Variants in SLC41A3 observed in about 807,000 individuals in gnomAD.
SLC41A3 encodes the protein solute carrier family 41 member 3, also known as SLC41A1-like 2.
A neutral mutation model predicts 45.4 loss-of-function variants in SLC41A3; 44 were observed. That is an observed-to-expected ratio of 0.97 (90% CI 0.76 to 1.25). SLC41A3 has a LOEUF of 1.25. SLC41A3 is among the 50% of genes most tolerant of loss of function. SLC41A3 has a pLI of 0.00. For missense variants in SLC41A3, 550 were observed against 600.6 expected, an observed-to-expected ratio of 0.92 and a Z score of 0.88; for synonymous variants, 256 against 252.4, an observed-to-expected ratio of 1.01 and a Z score of -0.13.
rs776190910 is a variant in SLC41A3, at chr3:126,022,841, G to C, written c.690C>G (p.Asp230Glu). 1.1e-5 allele frequency: 17 copies of C among 1,614,188 alleles called. No individual in the cohort carries two copies. The highest frequency in any genetic ancestry group is 1.3e-5 in the Non-Finnish European group (15 of 1,180,040). Residue 230 changes from aspartate (D) to glutamate (E), a missense_variant, in exon 6 of 11, where the codon GAC becomes GAG. Coordinates refer to ENST00000360370, the MANE Select transcript of SLC41A3 (RefSeq NM_017836.4). ...IATPIAASLG[D>E]LITLSILALV... is the part of the protein sequence containing the mutation. ...AAGCCAGAATGGACAGTGTGATGAG[G>C]TCTCCCAGGCTGGCTGCAATGGGCG... is the stretch of plus-strand genomic sequence containing the variant.
Position 126,076,911 on chromosome 3 carries a change from A to G in SLC41A3, c.-28+7182T>C, listed in dbSNP as rs571948866. On this transcript the variant is annotated intron_variant, in intron 1 of 10. Coordinates refer to ENST00000360370, the MANE Select transcript of SLC41A3 (RefSeq NM_017836.4). ...GAGATTCAGCCATGCTGCCGAATCT[A>G]TTTTATTGCTGTAGAAAACTGAACT... Among the ~76,000 whole-genome samples, 9 of 152,318 alleles carry G rather than the reference A, an allele frequency of 5.9e-5. No individual in the cohort carries two copies. The East Asian group carries it at 1.5e-3, about 26-fold the overall frequency.
rs561225919 is a variant in SLC41A3, at chr3:126,026,663, A to T, written c.454-184T>A. Among the ~76,000 whole-genome samples the T allele has an allele frequency of 1.6e-4, 25 of 152,178 alleles. 1 individual carries two copies. The highest frequency in any genetic ancestry group is 1.4e-3 in the Admixed American group (22 of 15,300). On this transcript the variant is annotated intron_variant, in intron 4 of 10. Coordinates refer to ENST00000360370, the MANE Select transcript of SLC41A3 (RefSeq NM_017836.4). The surrounding 1 kb of genome is among the most constrained non-coding windows in gnomAD (Gnocchi z 4.2). Reference sequence around the variant, plus strand: ...AATACCACACCCCACACCTGCCTTGAACTCAACTCCTCCGAAACCACGCTG... The same window carrying T: ...AATACCACACCCCACACCTGCCTTGTACTCAACTCCTCCGAAACCACGCTG...
intron 3 of SLC41A3, among the ~76,000 whole-genome samples, chr3:126,046,365 AC>A: frequency 6.6e-6 from 1 of 151,990 alleles, no homozygotes; most frequent in Non-Finnish European, 1.5e-5. Context: ...TTACACACAC[AC>A]ACACACACAC....
At chr3:126,037,073 T>C (rs1232092179) in intron 3 of SLC41A3, among the ~76,000 whole-genome samples, 1 of 152,204 alleles carries the variant, frequency 6.6e-6, no homozygotes, top group Admixed American at 6.5e-5. Flanking sequence ...GGAAGGTGTC[T>C]GGGTCATGGG....
chr3:126,088,151 GA>G (rs1945429735), upstream of SLC41A3, among the ~76,000 whole-genome samples: 1 of 151,282 alleles, frequency 6.6e-6, no homozygotes, highest in South Asian at 2.1e-4. Flanking sequence ...ATTTTTTTTT[GA>G]AAACAGGCCA....
intron 9 of SLC41A3, among the ~76,000 whole-genome samples, chr3:126,010,828 T>A (rs1939633582): frequency 6.6e-6 from 1 of 152,166 alleles, no homozygotes; most frequent in Non-Finnish European, 1.5e-5. Flanking sequence ...TGCCCAGCAA[T>A]AACAAGGTGC....
intron 1 of SLC41A3, among the ~76,000 whole-genome samples, chr3:126,098,305 C>T (rs1308389536): frequency 6.6e-6 from 1 of 152,140 alleles, no homozygotes; most frequent in Non-Finnish European, 1.5e-5. Context: ...CCTCCCTCTG[C>T]ACAAGTACAC....
At position 126,007,189 on chromosome 3, in the gene SLC41A3, G is replaced by A. The variant is rs765673106; in HGVS notation, c.1291C>T (p.Arg431Trp). The A allele has an allele frequency of 3.9e-5, 63 of 1,613,864 alleles. No homozygotes were observed. In the Middle Eastern group the frequency reaches 4.9e-4, roughly 13 times the overall value. The part of the protein sequence containing the change: ...ILLYLAEVMV[R>W]LTWHQALDPD... ...TCCAGGGCCTGGTGCCAAGTCAGCC[G>A]AACCATCACTTCTGCGAGGTACAGC... The change falls in exon 11 of 11, where the codon CGG (arginine) becomes TGG (tryptophan). Residue 431 changes from arginine (R) to tryptophan (W), a missense_variant. Transcript: ENST00000360370.
Position 126,007,051 on chromosome 3 carries a change from C to G in SLC41A3, c.1429G>C (p.Gly477Arg). The change falls in exon 11 of 11, where the codon GGT (glycine) becomes CGT (arginine). Residue 477 changes from glycine to arginine, a missense_variant. Coordinates refer to ENST00000360370, the MANE Select transcript of SLC41A3 (RefSeq NM_017836.4). ...CCAGATGCCAGTTCTGAGATGCCACCCAGCTCTGCCTTGCTCTTCAGTAGC... is the reference window on the plus strand; with the variant it reads ...CCAGATGCCAGTTCTGAGATGCCACGCAGCTCTGCCTTGCTCTTCAGTAGC... ...DWLLKSKAELGGISELASGPP is the reference protein window; with the variant it reads ...DWLLKSKAELRGISELASGPP 6.2e-7 allele frequency: 1 copy of G among 1,614,170 alleles called. No individual in the cohort carries two copies. Among genetic ancestry groups the G allele is most frequent in the Non-Finnish European group, 8.5e-7 (1 of 1,180,020 alleles).
chr3:126,048,118 A>G (rs896280106), intron 3 of SLC41A3, among the ~76,000 whole-genome samples: 2 of 152,244 alleles, frequency 1.3e-5, no homozygotes, highest in Non-Finnish European at 2.9e-5. Flanking sequence ...CAATAAGCAC[A>G]TGAAAAGATG....
chr3:126,057,503 G>A (rs62263465), intron 2 of SLC41A3, among the ~76,000 whole-genome samples: 21,025 of 152,186 alleles, frequency 0.14, 1,635 homozygotes, highest in African/African-American at 0.18. Flanking sequence ...CCCGAAGCTG[G>A]GGGTCAGACT....
At chr3:126,061,873 C>T (rs1419573465) in intron 2 of SLC41A3, among the ~76,000 whole-genome samples, 1 of 152,170 alleles carries the variant, frequency 6.6e-6, no homozygotes, top group East Asian at 1.9e-4. Context: ...TCATCTCCTC[C>T]CACCCTAAAG....
chr3:126,081,064 T>C (rs1286476958), intron 1 of SLC41A3, among the ~76,000 whole-genome samples: 2 of 152,174 alleles, frequency 1.3e-5, no homozygotes, highest in Non-Finnish European at 2.9e-5. Flanking sequence ...CTGTACCCCA[T>C]GTTTCTTGCA....
chr3:126,046,089 A>G (rs969215988), intron 3 of SLC41A3, among the ~76,000 whole-genome samples: 1 of 152,040 alleles, frequency 6.6e-6, no homozygotes, highest in Non-Finnish European at 1.5e-5. Context: ...AATAAAAGGA[A>G]ACTACCTCAA....
chr3:126,060,058 T>C (rs1411394215), intron 2 of SLC41A3, among the ~76,000 whole-genome samples: 2 of 152,184 alleles, frequency 1.3e-5, no homozygotes, highest in African/African-American at 2.4e-5. Flanking sequence ...CAGACTCTCA[T>C]ATAGAAAGAG....
At chr3:126,045,179 AAAG>A (rs1381083965) in intron 3 of SLC41A3, among the ~76,000 whole-genome samples, 1 of 152,000 alleles carries the variant, frequency 6.6e-6, no homozygotes, top group Non-Finnish European at 1.5e-5. Context: ...TCCATTAAAA[AAAG>A]AAGACCTCAA....
In SLC41A3 at chr3:126,016,888, C is replaced by T. The variant is rs752665168; in HGVS notation, c.746-13G>A. 7 of 1,609,218 alleles carry T rather than the reference C, an allele frequency of 4.3e-6. No homozygotes were observed. Among genetic ancestry groups the T allele is most frequent in the Non-Finnish European group, 5.9e-6 (7 of 1,179,482 alleles). On this transcript the variant is annotated splice_polypyrimidine_tract_variant and intron_variant, in intron 6 of 10. Transcript: ENST00000360370. The stretch of plus-strand genomic sequence containing the variant: ...AGATACCGACTATCTGAAAGGAGAA[C>T]AGGGACACACGCAGCTCATGTGGCC...
chr3:126,081,357 G>C (rs1302519594), intron 1 of SLC41A3, among the ~76,000 whole-genome samples: 1 of 152,190 alleles, frequency 6.6e-6, no homozygotes, highest in Non-Finnish European at 1.5e-5. Context: ...GCCTGTGGCG[G>C]GACAGGGGGA....
At chr3:126,019,507 C>T (rs1442027389) in intron 6 of SLC41A3, among the ~76,000 whole-genome samples, 1 of 152,190 alleles carries the variant, frequency 6.6e-6, no homozygotes, top group Non-Finnish European at 1.5e-5. Context: ...CCAGCATCAA[C>T]TCAAAAGCCC....
Sources: gnomAD v4.1 joint callset for allele counts (sites outside exome capture counted in the v4.1 genomes callset) on GRCh38, gnomAD v4.1.1 for gene constraint, Gnocchi (gnomAD v3.1) non-coding constraint, MANE v1.5 for transcripts, NCBI Gene and HGNC (gene_info 2026-07-23, HGNC 2026-07-21) for gene names.